The following NRG1 variants were observed in gnomAD, a reference collection of about 807,000 sequenced individuals.
NRG1 encodes neuregulin 1.
NRG1 carries 18 observed loss-of-function variants against 63.8 expected under a neutral mutation model. That is an observed-to-expected ratio of 0.28 (90% CI 0.19 to 0.42). The LOEUF (loss-of-function observed/expected upper bound fraction) is 0.42, where lower values mean the gene tolerates loss of function less well. Ranked by LOEUF, NRG1 falls within the 10% of genes least tolerant of loss-of-function variation. The pLI is 1.00. For synonymous variants in NRG1, 302 were observed against 301.3 expected (o/e 1.00, Z -0.02); for missense variants, 762 against 814.7 (o/e 0.94, Z 0.79).
chr8:31,941,976 ACATATTCAATGCAAT>A (rs1401240782), intron 1 of NRG1, among the ~76,000 whole-genome samples: 1 of 152,120 alleles, frequency 6.6e-6, no homozygotes, highest in Admixed American at 6.6e-5. Flanking sequence ...AAAGCAATCT[ACATATTCAATGCAAT>A]TCCCTTCAAA....
upstream of NRG1, among the ~76,000 whole-genome samples, chr8:32,546,744 G>T (rs943033090): frequency 6.6e-6 from 1 of 152,146 alleles, no homozygotes; most frequent in African/African-American, 2.4e-5. Flanking sequence ...AGACTGCTAG[G>T]ATATCTTTCC....
chr8:31,748,225 A>G (rs990875809), intron 1 of NRG1, among the ~76,000 whole-genome samples: 2 of 151,994 alleles, frequency 1.3e-5, no homozygotes, highest in South Asian at 4.1e-4. Context: ...ATTTATGATA[A>G]TAACAACAAA....
intron 1 of NRG1, among the ~76,000 whole-genome samples, chr8:32,567,458 T>A (rs1837671799): frequency 6.6e-6 from 1 of 152,230 alleles, no homozygotes; most frequent in Non-Finnish European, 1.5e-5. Flanking sequence ...TCTGGCCTAG[T>A]CTGATGCTTA....
chr8:32,559,871 C>G (rs375673460), intron 1 of NRG1, among the ~76,000 whole-genome samples: 11 of 149,590 alleles, frequency 7.4e-5, no homozygotes, highest in Admixed American at 4.0e-4. Flanking sequence ...AAAGAAAAAC[C>G]ATTAGCCAGG....
chr8:32,175,949 CAATGACTTTCTTCACAGAATTGGAAA>C (rs1407970889), intron 1 of NRG1, among the ~76,000 whole-genome samples: 2 of 152,218 alleles, frequency 1.3e-5, no homozygotes, highest in Admixed American at 6.5e-5. Flanking sequence ...ATCAAGCTAC[CAATGACTTTCTTCACAGAATTGGAAA>C]AAACTACTTT....
intron 1 of NRG1, among the ~76,000 whole-genome samples, chr8:32,337,449 T>C (rs1803417114): frequency 6.6e-6 from 1 of 151,634 alleles, no homozygotes; most frequent in African/African-American, 2.4e-5. Context: ...TGAGGGAGCA[T>C]TTAGTTTGTC....
chr8:32,159,530 G>A (rs1267441767), intron 1 of NRG1, among the ~76,000 whole-genome samples: 2 of 131,538 alleles, frequency 1.5e-5, no homozygotes, highest in East Asian at 4.2e-4. Context: ...GACAGAGCGA[G>A]ACTCCGTCTC....
intron 1 of NRG1, among the ~76,000 whole-genome samples, chr8:32,189,248 A>G (rs1394758223): frequency 2.0e-5 from 3 of 152,046 alleles, no homozygotes; most frequent in Non-Finnish European, 4.4e-5. Flanking sequence ...CTTCCCCCTC[A>G]GTAGTCCCCA....
At chr8:32,087,865 A>T (rs1243437169) in intron 1 of NRG1, among the ~76,000 whole-genome samples, 2 of 152,162 alleles carry the variant, frequency 1.3e-5, no homozygotes, top group Non-Finnish European at 2.9e-5. Context: ...CTTTAGTGTG[A>T]TGTCTTCCAG....
chr8:32,754,437 G>A, exon 8 of NRG1: 1 of 1,613,866 alleles, frequency 6.2e-7, no homozygotes, highest in Non-Finnish European at 8.5e-7. Flanking sequence ...CCTCCTTGTG[G>A]TCGGCATCAT....
Position 32,370,099 on chromosome 8 carries a change from A to G in NRG1, c.38-225729A>G, listed in dbSNP as rs577062290. ...GACATGAACTGGCAAATGGCAACAG[A>G]TATAAAAAGCCAGCTTTCTCTGGGG... On this transcript the variant is annotated intron_variant, in intron 1 of 10. Coordinates refer to the NRG1 transcript ENST00000519301. Among the ~76,000 whole-genome samples, 45 of 152,344 alleles carry G rather than the reference A, an allele frequency of 3.0e-4. No individual in the cohort carries two copies. In the South Asian group the frequency reaches 8.9e-3, roughly 30 times the overall value.
chr8:31,748,096 T>C (rs1816076019), intron 1 of NRG1, among the ~76,000 whole-genome samples: 1 of 152,008 alleles, frequency 6.6e-6, no homozygotes, highest in Admixed American at 6.6e-5. Flanking sequence ...TACCATATTG[T>C]AATACTGTTG....
chr8:31,913,894 C>T (rs777756947), intron 1 of NRG1, among the ~76,000 whole-genome samples: 2 of 152,164 alleles, frequency 1.3e-5, no homozygotes, highest in African/African-American at 2.4e-5. Context: ...ACTTGATTTT[C>T]CATCTTCCTT....
chr8:32,198,976 A>G (rs934902636), intron 1 of NRG1, among the ~76,000 whole-genome samples: 1 of 151,858 alleles, frequency 6.6e-6, no homozygotes, highest in African/African-American at 2.4e-5. Context: ...TGCTACTTGT[A>G]TTTAGTATTT....
chr8:31,654,175 T>A (rs1805187136), intron 1 of NRG1, among the ~76,000 whole-genome samples: 3 of 152,178 alleles, frequency 2.0e-5, no homozygotes, highest in Admixed American at 2.0e-4. Flanking sequence ...TAAAATACTA[T>A]TGAAAAGTCC....
intron 1 of NRG1, among the ~76,000 whole-genome samples, chr8:31,922,728 A>G: frequency 6.6e-6 from 1 of 152,180 alleles, no homozygotes; most frequent in South Asian, 2.1e-4. Flanking sequence ...TTGATTATCT[A>G]GAAGATTTTG....
At chr8:32,424,851 C>T (rs13275380) in intron 1 of NRG1, among the ~76,000 whole-genome samples, 8,777 of 152,070 alleles carry the variant, frequency 0.058, 308 homozygotes, top group Middle Eastern at 0.088. Flanking sequence ...GAGTGAGATC[C>T]TCTGTTAAAA....
At chr8:32,441,041 G>A (rs180725257) in intron 1 of NRG1, among the ~76,000 whole-genome samples, 1 of 152,194 alleles carries the variant, frequency 6.6e-6, no homozygotes, top group Non-Finnish European at 1.5e-5. Context: ...AGGCAAATTT[G>A]GCAAATTTTC....
At chr8:32,674,792 G>A (rs953355363) in intron 5 of NRG1, among the ~76,000 whole-genome samples, 10 of 152,166 alleles carry the variant, frequency 6.6e-5, no homozygotes, top group African/African-American at 1.9e-4. Flanking sequence ...CCTCACCTCC[G>A]GAGTTTTAAA....
Sources: gnomAD v4.1 joint callset for allele counts (sites outside exome capture counted in the v4.1 genomes callset) on GRCh38, gnomAD v4.1.1 for gene constraint, MANE v1.5 for transcripts, NCBI Gene and HGNC (gene_info 2026-07-23, HGNC 2026-07-21) for gene names.